AP3D1: variants seen among roughly 807,000 people sequenced by gnomAD.
The protein encoded by AP3D1 is adaptor related protein complex 3 subunit delta 1.
In AP3D1, 51 loss-of-function variants were observed where a neutral mutation model predicts 147.6. The observed-to-expected ratio is 0.35, with a 90% confidence interval of 0.28 to 0.44. The LOEUF is 0.44. Among genes scored for constraint, AP3D1 ranks in the 20% least tolerant of loss-of-function variants. The pLI, the probability that AP3D1 is intolerant of heterozygous loss-of-function variation, is 1.00. For missense variants in AP3D1, 1,421 were observed against 1,624.2 expected (o/e 0.87, Z 2.15); for synonymous variants, 760 against 663.0 (o/e 1.15, Z -2.25).
chr19:2,157,665 A>C (rs1453716473), intron 1 of AP3D1, among the ~76,000 whole-genome samples: 1 of 139,616 alleles, frequency 7.2e-6, no homozygotes, highest in African/African-American at 2.7e-5. Flanking sequence ...TGAAAAAAAC[A>C]AACATCCACC....
chr19:2,130,705 GCCTCAC>G (rs2018915455), intron 5 of AP3D1, among the ~76,000 whole-genome samples, 168 bp from the exon 6 acceptor site: 1 of 152,212 alleles, frequency 6.6e-6, no homozygotes, highest in Non-Finnish European at 1.5e-5. Flanking sequence ...ATGGAAGCCA[GCCTCAC>G]TGTGCCCCTG....
intron 4 of AP3D1, among the ~76,000 whole-genome samples, chr19:2,133,724 G>C (rs1347293627): frequency 6.6e-6 from 1 of 151,646 alleles, no homozygotes; most frequent in Non-Finnish European, 1.5e-5. Context: ...GGCTGGTCTT[G>C]AACTCTTGAT....
In AP3D1 at chr19:2,114,182, C is replaced by T; in HGVS notation, c.2544G>A (p.Glu848=). 2 of 1,600,072 alleles carry T rather than the reference C, an allele frequency of 1.2e-6. No individual in the cohort carries two copies. The highest frequency in any genetic ancestry group is 1.7e-6 in the Non-Finnish European group (2 of 1,172,980). ...CTCTCTCTTTCTCTTTGTGTTTTTTCTCTTTCTTCTTGGGTTTCTTGCTCT... is the reference window on the plus strand; with the variant it reads ...CTCTCTCTTTCTCTTTGTGTTTTTTTTCTTTCTTCTTGGGTTTCTTGCTCT... The part of the protein sequence containing the change: ...EKKSKKPKKK[E]KKHKEKERDK... The change falls in exon 22 of 32, where the codon GAG becomes GAA. Residue 848 remains glutamate, a synonymous_variant. Transcript: ENST00000643116.
chr19:2,120,724 G>A, intron 14 of AP3D1, 138 bp downstream of exon 14: 1 of 797,044 alleles, frequency 1.3e-6, no homozygotes, highest in Non-Finnish European at 2.0e-6. Flanking sequence ...ACAGGTGCTG[G>A]AAACCCACGG....
chr19:2,130,638 C>A, intron 5 of AP3D1, 101 bp from the exon 6 acceptor site: 1 of 1,543,514 alleles, frequency 6.5e-7, no homozygotes. Context: ...TGCCCTCCAG[C>A]CCGACGCTGT....
chr19:2,102,727 A>AT (rs1184766391), intron 31 of AP3D1, among the ~76,000 whole-genome samples: 16 of 90,524 alleles, frequency 1.8e-4, no homozygotes, highest in African/African-American at 6.3e-4. Flanking sequence ...GACTGTCTCA[A>AT]AAAATAAATA....
At chr19:2,105,544 A>T (rs1035823803) in intron 31 of AP3D1, among the ~76,000 whole-genome samples, 1 of 152,204 alleles carries the variant, frequency 6.6e-6, no homozygotes, top group Admixed American at 6.5e-5. Context: ...AGTTAATTTA[A>T]TATCTATAGA....
intron 14 of AP3D1, 109 bp downstream of exon 14, chr19:2,120,753 G>T: frequency 8.9e-7 from 1 of 1,121,338 alleles, no homozygotes; most frequent in Non-Finnish European, 1.3e-6. Context: ...GACGGCCGGG[G>T]TGGCAGGGCG....
intron 2 of AP3D1, 91 bp from the exon 3 acceptor site, chr19:2,137,898 C>A (rs540293168): frequency 9.1e-7 from 1 of 1,104,128 alleles, no homozygotes; most frequent in Non-Finnish European, 1.3e-6. Flanking sequence ...TCCCAGCACA[C>A]GGTGCTGGAA....
chr19:2,130,391 A>G lies in AP3D1; in HGVS notation c.592+17T>C. ...GCCCCCACCCTCAACCCTGAGGCTTAACTCAAATCCACAAACCGGGGTCGG... is the reference window on the plus strand; with the variant it reads ...GCCCCCACCCTCAACCCTGAGGCTTGACTCAAATCCACAAACCGGGGTCGG... On this transcript the variant is annotated intron_variant, in intron 6 of 31. Coordinates refer to ENST00000643116, the MANE Select transcript of AP3D1 (RefSeq NM_001261826.3). 6.2e-7 allele frequency: 1 copy of G among 1,613,712 alleles called. No individual in the cohort carries two copies. Among genetic ancestry groups the G allele is most frequent in the Non-Finnish European group, 8.5e-7 (1 of 1,179,938 alleles).
chr19:2,121,044 G>C lies in AP3D1; in HGVS notation c.1299C>G (p.His433Gln). Residue 433 changes from histidine (H) to glutamine (Q), a missense_variant, in exon 14 of 32, where the codon CAC becomes CAG. Physicochemically the swap from His to Gln is conservative, Grantham distance 24. Transcript: ENST00000643116. The stretch of plus-strand genomic sequence containing the variant: ...GCATTTGGGCGGCGATGAGGTGGCC[G>C]TGCCGTGTGCCCTCCAGCCGGGTCA... The part of the protein sequence containing the change: ...VELTRLEGTR[H>Q]GHLIAAQMLD... 6.2e-7 allele frequency: 1 copy of C among 1,612,924 alleles called. No individual in the cohort carries two copies. The highest frequency in any genetic ancestry group is 8.5e-7 in the Non-Finnish European group (1 of 1,179,956).
At chr19:2,111,584 C>A in intron 25 of AP3D1, 95 bp downstream of exon 25, 1 of 1,443,554 alleles carries the variant, frequency 6.9e-7, no homozygotes, top group Non-Finnish European at 9.3e-7. Context: ...CGAATCTGCT[C>A]AGTTCTCTCC....
At chr19:2,146,281 T>TTACAG (rs1291893971) in intron 1 of AP3D1, among the ~76,000 whole-genome samples, 1 of 152,132 alleles carries the variant, frequency 6.6e-6, no homozygotes, top group African/African-American at 2.4e-5. Flanking sequence ...GAAATTAAAC[T>TTACAG]TACAGAAGTC....
chr19:2,151,094 C>G (rs1233320248), intron 1 of AP3D1, 145 bp downstream of exon 1: 10 of 720,452 alleles, frequency 1.4e-5, no homozygotes, highest in Non-Finnish European at 2.1e-5. Context: ...CAGGCCCAGG[C>G]CAGGCAGGGC....
chr19:2,111,218 T>C, intron 26 of AP3D1, 67 bp downstream of exon 26: 1 of 1,591,896 alleles, frequency 6.3e-7, no homozygotes, highest in Non-Finnish European at 8.6e-7. Flanking sequence ...CTGCCCGGGT[T>C]CCGCGCGATC....
intron 12 of AP3D1, 34 bp downstream of exon 12, chr19:2,121,700 C>G: frequency 6.5e-7 from 1 of 1,543,638 alleles, no homozygotes; most frequent in Non-Finnish European, 8.7e-7. Context: ...AGAACTAAGG[C>G]CAGGCGGGCG....
At position 2,116,583 on chromosome 19, in the gene AP3D1, C is replaced by T. The variant is rs372421723; in HGVS notation, c.2001+22G>A. 8 of 1,564,054 alleles carry T rather than the reference C, an allele frequency of 5.1e-6. No individual in the cohort carries two copies. The African/African-American group carries it at 1.1e-4, about 21-fold the overall frequency. On this transcript the variant is annotated intron_variant, in intron 17 of 31. Coordinates refer to ENST00000643116, the MANE Select transcript of AP3D1 (RefSeq NM_001261826.3). The stretch of plus-strand genomic sequence containing the variant: ...ACAGGAGGGAGGAGACGAGGGCTCG[C>T]CAGGGGCAGCCAGCAGCTCACCCGA...
upstream of AP3D1, among the ~76,000 whole-genome samples, chr19:2,151,830 G>A (rs1023292506): frequency 2.0e-5 from 3 of 152,256 alleles, no homozygotes; most frequent in African/African-American, 7.2e-5. Context: ...CCCCTTAGAG[G>A]CTGGTCCTGA....
chr19:2,161,442 G>C lies in AP3D1; in HGVS notation c.-103+2914C>G, dbSNP rs565630885. Among the ~76,000 whole-genome samples the C allele has an allele frequency of 2.0e-5, 3 of 152,058 alleles. No individual in the cohort carries two copies. The South Asian group carries it at 6.2e-4, about 32-fold the overall frequency. On this transcript the variant is annotated intron_variant, in intron 1 of 14. Transcript: ENST00000643010. ...CTCCCAAAGTGCTGGGATTACAGGC[G>C]TGAGTCACCGCTCCTGGCTGTCTGG...
Sources: gnomAD v4.1 joint callset for allele counts (sites outside exome capture counted in the v4.1 genomes callset) on GRCh38, gnomAD v4.1.1 for gene constraint, MANE v1.5 for transcripts, NCBI Gene and HGNC (gene_info 2026-07-23, HGNC 2026-07-21) for gene names.